NALCN: variants seen among roughly 807,000 people sequenced by gnomAD.
NALCN encodes sodium leak channel, non-selective.
In NALCN, 111 loss-of-function variants were observed where a neutral mutation model predicts 225.3. The observed-to-expected ratio is 0.49, with a 90% CI of 0.42 to 0.58. The LOEUF (loss-of-function observed/expected upper bound fraction) is 0.58, where lower values mean the gene tolerates loss of function less well. NALCN is among the 20% of genes least tolerant of loss of function. NALCN has a pLI of 0.00. For synonymous variants in NALCN, 764 were observed against 769.0 expected (o/e 0.99, Z 0.11); for missense variants, 1,378 against 2,202.4 (o/e 0.63, Z 7.49).
At chr13:101,291,213 T>A (rs2139044606) in intron 9 of NALCN, among the ~76,000 whole-genome samples, 1 of 152,312 alleles carries the variant, frequency 6.6e-6, no homozygotes, top group African/African-American at 2.4e-5. Context: ...TGAGGGATCT[T>A]TTTCATAGTT....
chr13:101,269,605 G>A (rs1021989513), intron 10 of NALCN, among the ~76,000 whole-genome samples: 1 of 152,120 alleles, frequency 6.6e-6, no homozygotes, highest in Non-Finnish European at 1.5e-5. Flanking sequence ...AATACAAAGT[G>A]AGTAAAACAA....
chr13:101,355,444 G>A (rs1168453373), intron 6 of NALCN, among the ~76,000 whole-genome samples: 1 of 151,556 alleles, frequency 6.6e-6, no homozygotes, highest in African/African-American at 2.4e-5. Context: ...GATAAAAAAA[G>A]ACAAAGAATG....
At chr13:101,396,013 GA>G (rs1206309385) in intron 2 of NALCN, among the ~76,000 whole-genome samples, 4 of 151,500 alleles carry the variant, frequency 2.6e-5, no homozygotes, top group Admixed American at 6.6e-5. Context: ...TCCTACATTT[GA>G]AAAAAATGCA....
At chr13:101,225,441 A>C (rs963682492) in intron 13 of NALCN, among the ~76,000 whole-genome samples, 3 of 152,184 alleles carry the variant, frequency 2.0e-5, no homozygotes, top group Admixed American at 1.3e-4. Context: ...TCATTCCTTT[A>C]ATGGCTGCCT....
intron 17 of NALCN, among the ~76,000 whole-genome samples, chr13:101,138,839 T>C (rs1398955846): frequency 6.6e-6 from 1 of 152,172 alleles, no homozygotes; most frequent in Non-Finnish European, 1.5e-5. Context: ...ATTTCAATAA[T>C]ATGGAGGAAA....
intron 6 of NALCN, among the ~76,000 whole-genome samples, chr13:101,352,899 A>G (rs2045946857): frequency 6.6e-6 from 1 of 152,202 alleles, no homozygotes; most frequent in Non-Finnish European, 1.5e-5. Context: ...ATTTGTTGTA[A>G]AAGACATTTG....
intron 10 of NALCN, among the ~76,000 whole-genome samples, chr13:101,276,534 G>A: frequency 6.6e-6 from 1 of 152,154 alleles, no homozygotes; most frequent in East Asian, 1.9e-4. Flanking sequence ...AAAACAGAAA[G>A]ATCACTTCAA....
intron 9 of NALCN, among the ~76,000 whole-genome samples, chr13:101,288,396 G>A (rs1387549719): frequency 2.6e-5 from 4 of 152,162 alleles, no homozygotes; most frequent in African/African-American, 9.6e-5. Context: ...TCTTTTTGGA[G>A]GAGAAATTCT....
At chr13:101,276,253 A>G (rs2042971154) in intron 10 of NALCN, among the ~76,000 whole-genome samples, 1 of 152,096 alleles carries the variant, frequency 6.6e-6, no homozygotes, top group African/African-American at 2.4e-5. Flanking sequence ...TAAATTTATT[A>G]GGAATTGCAC....
At chr13:101,381,048 T>C (rs1044417711) in intron 3 of NALCN, among the ~76,000 whole-genome samples, 4 of 152,070 alleles carry the variant, frequency 2.6e-5, no homozygotes, top group African/African-American at 9.7e-5. Flanking sequence ...GAAACCAATG[T>C]TAATTCCCAA....
intron 18 of NALCN, chr13:101,117,143 A>T (rs1305402796): frequency 2.9e-6 from 1 of 339,784 alleles, no homozygotes; most frequent in Non-Finnish European, 5.9e-6. Context: ...TGTTATTCAT[A>T]AAAATGTTTT....
intron 1 of NALCN, among the ~76,000 whole-genome samples, chr13:101,408,472 A>G (rs2047685052): frequency 6.6e-6 from 1 of 152,196 alleles, no homozygotes; most frequent in African/African-American, 2.4e-5. Flanking sequence ...AGAACATGTT[A>G]GCAGGAGAAC....
intron 17 of NALCN, among the ~76,000 whole-genome samples, chr13:101,130,003 A>G: frequency 6.6e-6 from 1 of 151,888 alleles, no homozygotes; most frequent in East Asian, 1.9e-4. Context: ...GTTTGCTGAG[A>G]ATGATGGTTT....
intron 17 of NALCN, among the ~76,000 whole-genome samples, chr13:101,127,959 A>G (rs1201061602): frequency 6.6e-6 from 1 of 152,214 alleles, no homozygotes; most frequent in African/African-American, 2.4e-5. Context: ...TTCTGGCTCT[A>G]GAAGATACTG....
intron 15 of NALCN, among the ~76,000 whole-genome samples, chr13:101,161,162 C>T (rs913271736): frequency 1.3e-5 from 2 of 152,182 alleles, no homozygotes; most frequent in African/African-American, 4.8e-5. Flanking sequence ...TTGACCTACG[C>T]CACATGTCTA....
intron 17 of NALCN, among the ~76,000 whole-genome samples, chr13:101,134,074 G>C (rs1471855157): frequency 1.3e-5 from 2 of 152,140 alleles, no homozygotes; most frequent in African/African-American, 2.4e-5. Context: ...GGAGGCTGAG[G>C]CAGGAGAATG....
intron 13 of NALCN, among the ~76,000 whole-genome samples, chr13:101,195,889 C>G (rs2039871306): frequency 6.6e-6 from 1 of 152,184 alleles, no homozygotes; most frequent in African/African-American, 2.4e-5. Context: ...GTCATGTATA[C>G]ATTTATATCC....
intron 22 of NALCN, among the ~76,000 whole-genome samples, chr13:101,106,434 T>C (rs981718609): frequency 3.3e-5 from 5 of 152,186 alleles, no homozygotes; most frequent in Non-Finnish European, 7.3e-5. Flanking sequence ...TCAGGGACAC[T>C]CCAACTACAT....
At chr13:101,209,662 T>C (rs1485411260) in intron 13 of NALCN, among the ~76,000 whole-genome samples, 1 of 152,230 alleles carries the variant, frequency 6.6e-6, no homozygotes, top group Non-Finnish European at 1.5e-5. Flanking sequence ...TAATAATCTT[T>C]GTCTAGTGAG....
Sources: gnomAD v4.1 joint callset for allele counts (sites outside exome capture counted in the v4.1 genomes callset) on GRCh38, gnomAD v4.1.1 for gene constraint, MANE v1.5 for transcripts, NCBI Gene and HGNC (gene_info 2026-07-23, HGNC 2026-07-21) for gene names.